Variants in CSMD1 observed in about 807,000 individuals in gnomAD.
CSMD1 encodes CUB and sushi domain-containing protein 1.
Under a neutral mutation model 417.5 loss-of-function variants are expected in CSMD1, and 213 were observed. That is an observed-to-expected ratio of 0.51 (90% CI 0.46 to 0.57). CSMD1 has a LOEUF of 0.57. Among genes scored for constraint, CSMD1 ranks in the 20% least tolerant of loss-of-function variants. The pLI is 0.00. For missense variants in CSMD1, 6,923 were observed against 4,529.7 expected, an observed-to-expected ratio of 1.53 and a Z score of -15.17; for synonymous variants, 2,862 against 1,736.8, an observed-to-expected ratio of 1.65 and a Z score of -16.11.
chr8:4,905,694 C>A (rs1422886352), intron 1 of CSMD1, among the ~76,000 whole-genome samples: 6 of 151,788 alleles, frequency 4.0e-5, no homozygotes, highest in African/African-American at 7.3e-5. Flanking sequence ...GTGGCGGGCG[C>A]CTGTAGTCCC....
intron 22 of CSMD1, among the ~76,000 whole-genome samples, chr8:3,344,646 AAAATT>A (rs895527377): frequency 2.0e-5 from 3 of 152,136 alleles, no homozygotes; most frequent in African/African-American, 7.2e-5. Flanking sequence ...CTAACTAAAT[AAAATT>A]AAACAGAGTC....
At chr8:3,493,584 G>A (rs776375599) in intron 11 of CSMD1, 39 bp downstream of exon 11, 5 of 1,531,578 alleles carry the variant, frequency 3.3e-6, no homozygotes, top group East Asian at 2.4e-5. Context: ...GCCCCGCACT[G>A]CATGCATAAG....
intron 26 of CSMD1, among the ~76,000 whole-genome samples, chr8:3,247,991 T>G (rs910104791): frequency 3.3e-5 from 5 of 152,188 alleles, no homozygotes; most frequent in South Asian, 4.1e-4. Context: ...AATTGTTTAC[T>G]TTCTACATCA....
At chr8:4,426,782 A>G (rs1797585154) in intron 2 of CSMD1, among the ~76,000 whole-genome samples, 1 of 148,294 alleles carries the variant, frequency 6.7e-6, no homozygotes, top group South Asian at 2.1e-4. Context: ...AATACAGATG[A>G]TATTATATAA....
At chr8:4,029,158 G>C (rs117640651) in intron 4 of CSMD1, among the ~76,000 whole-genome samples, 4 of 152,256 alleles carry the variant, frequency 2.6e-5, no homozygotes, top group Non-Finnish European at 5.9e-5. Flanking sequence ...AGGGCTAGAA[G>C]GACATAAACA....
At chr8:3,064,450 G>T (rs1812789175) in intron 49 of CSMD1, among the ~76,000 whole-genome samples, 1 of 152,160 alleles carries the variant, frequency 6.6e-6, no homozygotes, top group African/African-American at 2.4e-5. Context: ...TAAGTTTCCT[G>T]AGGCCTCCCA....
chr8:4,927,672 T>C (rs1411636095), intron 1 of CSMD1, among the ~76,000 whole-genome samples: 1 of 152,186 alleles, frequency 6.6e-6, no homozygotes. Flanking sequence ...TAAGTGGTGA[T>C]GACACTGTGA....
intron 10 of CSMD1, among the ~76,000 whole-genome samples, chr8:3,548,852 GCTCC>G (rs1339010451): frequency 6.6e-6 from 1 of 152,058 alleles, no homozygotes; most frequent in East Asian, 1.9e-4. Context: ...CAGGCAGGGT[GCTCC>G]CTGGGCTGGG....
At chr8:4,367,418 G>A (rs879934650) in intron 3 of CSMD1, among the ~76,000 whole-genome samples, 1 of 152,074 alleles carries the variant, frequency 6.6e-6, no homozygotes, top group Non-Finnish European at 1.5e-5. Flanking sequence ...ATTGGTCTAT[G>A]TGTCTATTTC....
chr8:3,333,567 C>T (rs997117379), intron 23 of CSMD1, among the ~76,000 whole-genome samples: 1 of 152,110 alleles, frequency 6.6e-6, no homozygotes, highest in Non-Finnish European at 1.5e-5. Flanking sequence ...TACTGCAATG[C>T]CAGGAGTAGA....
intron 5 of CSMD1, among the ~76,000 whole-genome samples, chr8:3,812,790 T>C (rs577211502): frequency 6.6e-6 from 1 of 152,330 alleles, no homozygotes; most frequent in Non-Finnish European, 1.5e-5. Context: ...ATAGTAGCTA[T>C]TGAATTAACT....
chr8:3,419,848 C>A (rs763109616), intron 12 of CSMD1, among the ~76,000 whole-genome samples: 2 of 152,124 alleles, frequency 1.3e-5, no homozygotes, highest in African/African-American at 4.8e-5. Flanking sequence ...AGTCTGGAAG[C>A]AGGATAGCAA....
chr8:3,849,148 T>C (rs79743564), intron 5 of CSMD1, among the ~76,000 whole-genome samples: 2,916 of 152,140 alleles, frequency 0.019, 77 homozygotes, highest in African/African-American at 0.066. Flanking sequence ...GGATGATAAA[T>C]GGAGGTGTCT....
chr8:4,847,324 C>T (rs1276469785), intron 1 of CSMD1, among the ~76,000 whole-genome samples: 1 of 152,162 alleles, frequency 6.6e-6, no homozygotes, highest in Non-Finnish European at 1.5e-5. Context: ...GACAACAGAT[C>T]TTGCACATTT....
chr8:3,627,282 C>G (rs957767245), intron 7 of CSMD1, among the ~76,000 whole-genome samples: 1 of 152,110 alleles, frequency 6.6e-6, no homozygotes, highest in South Asian at 2.1e-4. Flanking sequence ...TTGAAAATAC[C>G]TAGCTGCAAG....
At chr8:2,981,933 G>A (rs534193884) in intron 54 of CSMD1, among the ~76,000 whole-genome samples, 6 of 152,176 alleles carry the variant, frequency 3.9e-5, no homozygotes, top group African/African-American at 1.4e-4. Context: ...CCTTTTTCCT[G>A]GAGAGGACCA....
At chr8:4,170,872 T>C (rs566415231) in intron 3 of CSMD1, among the ~76,000 whole-genome samples, 56 of 152,014 alleles carry the variant, frequency 3.7e-4, no homozygotes, top group Admixed American at 2.7e-3. Context: ...TTTACTCCTT[T>C]CCACCCTGCA....
intron 12 of CSMD1, among the ~76,000 whole-genome samples, chr8:3,447,826 T>G (rs747306619): frequency 7.2e-5 from 11 of 152,130 alleles, no homozygotes; most frequent in Non-Finnish European, 1.6e-4. Context: ...GGGCCATTTT[T>G]GGGTTTGAGA....
intron 3 of CSMD1, among the ~76,000 whole-genome samples, chr8:4,057,651 G>C (rs950256493): frequency 2.2e-4 from 7 of 31,788 alleles, no homozygotes; most frequent in Middle Eastern, 0.014. Flanking sequence ...TTCTTCTAGG[G>C]TTTTTATAGT....
Sources: allele counts gnomAD v4.1 joint callset (sites outside exome capture counted in the v4.1 genomes callset), GRCh38; gene constraint gnomAD v4.1.1; transcripts MANE v1.5; gene names NCBI Gene and HGNC (gene_info 2026-07-23, HGNC 2026-07-21).